FDFT1: variants seen among roughly 807,000 people sequenced by gnomAD.
FDFT1 encodes farnesyl-diphosphate farnesyltransferase 1, also known as squalene synthase.
FDFT1 carries 68 observed loss-of-function variants against 46.8 expected under a neutral mutation model. The observed-to-expected ratio is 1.45, with a 90% CI of 1.19 to 1.78. FDFT1 has a LOEUF of 1.78. Among genes scored for constraint, FDFT1 ranks in the 40% most tolerant of loss-of-function variants. The probability of loss-of-function intolerance (pLI) is 0.00; values close to 1 mark genes in which losing one functional copy is unlikely to be tolerated. For synonymous variants in FDFT1, 351 were observed against 185.1 expected, an observed-to-expected ratio of 1.90 and a Z score of -7.28; for missense variants, 928 against 524.4, an observed-to-expected ratio of 1.77 and a Z score of -7.52.
At chr8:11,813,319 A>G (rs960201019) in intron 3 of FDFT1, among the ~76,000 whole-genome samples, 5 of 152,222 alleles carry the variant, frequency 3.3e-5, no homozygotes, top group Non-Finnish European at 7.3e-5. Context: ...TTATTTTTAA[A>G]TGATAATAGC....
chr8:11,837,392 C>T (rs567481627), intron 7 of FDFT1, among the ~76,000 whole-genome samples: 34 of 152,222 alleles, frequency 2.2e-4, no homozygotes, highest in South Asian at 8.3e-4. Flanking sequence ...CCACGATGCC[C>T]GGCTAATTTT....
intron 7 of FDFT1, 194 bp downstream of exon 7, chr8:11,831,864 A>G (rs1810851885): frequency 3.6e-6 from 2 of 553,262 alleles, no homozygotes; most frequent in South Asian, 2.4e-5. Context: ...ACTGCTGTGT[A>G]GTACCCTGGT....
chr8:11,810,957 AAG>A (rs1554518492), intron 3 of FDFT1, among the ~76,000 whole-genome samples: 1 of 147,754 alleles, frequency 6.8e-6, no homozygotes, highest in Non-Finnish European at 1.5e-5. Flanking sequence ...AAAAAAAAAA[AAG>A]GAATGTTTGG....
At chr8:11,824,551 CT>C (rs1036181306) in intron 4 of FDFT1, among the ~76,000 whole-genome samples, 1 of 152,102 alleles carries the variant, frequency 6.6e-6, no homozygotes, top group African/African-American at 2.4e-5. Context: ...CTTCAGCCCC[CT>C]GAGTAACTGG....
intron 6 of FDFT1, 68 bp from the exon 7 acceptor site, chr8:11,831,450 C>T (rs1585995938): frequency 1.4e-6 from 2 of 1,457,838 alleles, no homozygotes; most frequent in Non-Finnish European, 9.5e-7. Context: ...GGTTTTCTTA[C>T]CTTTTTGTGA....
chr8:11,819,199 G>A (rs1563318445), intron 3 of FDFT1, among the ~76,000 whole-genome samples: 1 of 152,190 alleles, frequency 6.6e-6, no homozygotes, highest in African/African-American at 2.4e-5. Context: ...GGCTAGTAGG[G>A]TTTCTGCTGA....
chr8:11,825,962 C>G lies in FDFT1; in HGVS notation c.511-62C>G, dbSNP rs538003949. 9 of 1,227,510 alleles carry G rather than the reference C, an allele frequency of 7.3e-6. No homozygotes were observed. In the African/African-American group the frequency reaches 1.3e-4, roughly 18 times the overall value. 76.0% of individuals were successfully genotyped at this position (1,227,510 alleles called of 1,614,324 possible). A position where few individuals can be genotyped will look rare whatever the true frequency, so the allele number is the denominator to read the frequency against. ...CCTGCTTTTTTGTAGCTAATGATCT[C>G]TAGTGTGTCCATTTCAGTAAAAATT... On this transcript the variant is annotated intron_variant, in intron 4 of 7. Transcript: ENST00000220584.
intron 2 of FDFT1, chr8:11,809,296 A>G: frequency 9.1e-7 from 1 of 1,093,540 alleles, no homozygotes; most frequent in Non-Finnish European, 1.1e-6. Flanking sequence ...GCCTTTATGT[A>G]TGATCGTATT....
chr8:11,827,428 G>A (rs192937472), intron 5 of FDFT1, among the ~76,000 whole-genome samples: 1 of 151,882 alleles, frequency 6.6e-6, no homozygotes, highest in Non-Finnish European at 1.5e-5. Flanking sequence ...TAAGGCACAA[G>A]GATCCCTTGA....
chr8:11,819,166 A>T (rs1225410805), intron 3 of FDFT1, among the ~76,000 whole-genome samples: 1 of 152,164 alleles, frequency 6.6e-6, no homozygotes, highest in Non-Finnish European at 1.5e-5. Flanking sequence ...AAGAATGCTG[A>T]ATATTGGCCC....
chr8:11,803,883 A>G (rs746271340), intron 1 of FDFT1: 1 of 153,232 alleles, frequency 6.5e-6, no homozygotes, highest in Non-Finnish European at 1.5e-5. Context: ...TCTTTAATAC[A>G]GGTACATCCT....
Position 11,809,867 on chromosome 8 carries a change from A to G in FDFT1, c.381+17A>G, listed in dbSNP as rs1284280010. 4.4e-6 allele frequency: 7 copies of G among 1,600,112 alleles called. No individual in the cohort carries two copies. Among genetic ancestry groups the G allele is most frequent in the African/African-American group, 1.3e-5 (1 of 74,604 alleles). Reference sequence around the variant, plus strand: ...TTCCCAACGGTGAGTGGGGTTACGCATCTTGTCTACGGACTGTTGTGTTCA... The same window carrying G: ...TTCCCAACGGTGAGTGGGGTTACGCGTCTTGTCTACGGACTGTTGTGTTCA... On this transcript the variant is annotated intron_variant, in intron 3 of 7. Coordinates refer to ENST00000220584, the MANE Select transcript of FDFT1 (RefSeq NM_004462.5).
rs575785736 is a variant in FDFT1, at chr8:11,818,667, G to C, written c.382-3083G>C. On this transcript the variant is annotated intron_variant, in intron 3 of 7. Transcript: ENST00000220584. ...AGTTGGTTTAAAGTCTGTTTTATTA[G>C]AGACTAGGATTGCATTCCCTGCTTT... is the stretch of plus-strand genomic sequence containing the variant. 1.3e-5 allele frequency among the ~76,000 whole-genome samples: 2 copies of C among 152,126 alleles called. 1 individual carries two copies. Among genetic ancestry groups the C allele is most frequent in the South Asian group, 4.1e-4 (2 of 4,820 alleles).
chr8:11,797,764 G>A (rs1234489721), upstream of FDFT1, among the ~76,000 whole-genome samples: 1 of 152,156 alleles, frequency 6.6e-6, no homozygotes, highest in African/African-American at 2.4e-5. Context: ...CTGTAATGGA[G>A]GCGTGGCAGG....
At position 11,838,915 on chromosome 8, in the gene FDFT1, C is replaced by G. The variant is rs1811950566; in HGVS notation, c.*306C>G. ...CATATGTGACTGTCATGAGATCCTA[C>G]TTAGTATGATCCTGGCTAGAATGAT... On this transcript the variant is annotated 3_prime_UTR_variant, in exon 8 of 8. Coordinates refer to ENST00000220584, the MANE Select transcript of FDFT1 (RefSeq NM_004462.5). 2 of 367,384 alleles carry G rather than the reference C, an allele frequency of 5.4e-6. No homozygotes were observed. Among genetic ancestry groups the G allele is most frequent in the Admixed American group, 9.0e-5 (2 of 22,300 alleles). 22.8% of individuals were successfully genotyped at this position (367,384 alleles called of 1,614,324 possible).
At chr8:11,817,196 G>T (rs773914915) in intron 3 of FDFT1, among the ~76,000 whole-genome samples, 1 of 152,158 alleles carries the variant, frequency 6.6e-6, no homozygotes, top group African/African-American at 2.4e-5. Context: ...ATGTTGAACA[G>T]CCTTGCATCC....
intron 5 of FDFT1, among the ~76,000 whole-genome samples, chr8:11,828,885 A>T (rs527435296): frequency 6.6e-6 from 1 of 152,318 alleles, no homozygotes; most frequent in Non-Finnish European, 1.5e-5. Flanking sequence ...GTGTGGATAG[A>T]CCACATTTAT....
chr8:11,836,798 G>A (rs1356255349), intron 7 of FDFT1, among the ~76,000 whole-genome samples: 3 of 152,264 alleles, frequency 2.0e-5, no homozygotes, highest in African/African-American at 7.2e-5. Context: ...CCCTTTGGGA[G>A]GCCGAGGTGG....
chr8:11,832,171 TG>T (rs1478530318), intron 7 of FDFT1, among the ~76,000 whole-genome samples: 2 of 152,208 alleles, frequency 1.3e-5, no homozygotes, highest in Non-Finnish European at 2.9e-5. Context: ...AAATTTTCTT[TG>T]GAAAATTTCA....
Sources: allele counts gnomAD v4.1 joint callset (sites outside exome capture counted in the v4.1 genomes callset), GRCh38; gene constraint gnomAD v4.1.1; transcripts MANE v1.5; gene names NCBI Gene and HGNC (gene_info 2026-07-23, HGNC 2026-07-21).